The following LRPAP1 variants were observed in gnomAD, a reference collection of about 807,000 sequenced individuals.
LRPAP1 encodes the protein alpha-2-macroglobulin receptor-associated protein.
Under a neutral mutation model 39.9 loss-of-function variants are expected in LRPAP1, and 41 were observed. The ratio of observed to expected loss-of-function variants is 1.03; its 90% CI spans 0.80 to 1.33. The LOEUF is 1.33. LRPAP1 is among the 40% of genes most tolerant of loss of function. LRPAP1 has a pLI of 0.00. For synonymous variants in LRPAP1, 263 were observed against 212.7 expected (o/e 1.24, Z -2.06); for missense variants, 565 against 482.3 (o/e 1.17, Z -1.61).
chr4:3,514,464 AGGTCACGCCCCATCCT>A (rs1413047894), intron 7 of LRPAP1, among the ~76,000 whole-genome samples: 1 of 152,166 alleles, frequency 6.6e-6, no homozygotes, highest in Non-Finnish European at 1.5e-5. Context: ...GTGGGTATCC[AGGTCACGCCCCATCCT>A]GGTCACAGGA....
At chr4:3,528,764 A>T (rs952839417) in intron 1 of LRPAP1, among the ~76,000 whole-genome samples, 18 of 152,030 alleles carry the variant, frequency 1.2e-4, no homozygotes, top group Non-Finnish European at 2.1e-4. Flanking sequence ...AGCTCCTTCC[A>T]CCTGAGCTCC....
chr4:3,528,173 T>A (rs957160984), intron 1 of LRPAP1, among the ~76,000 whole-genome samples: 4 of 152,136 alleles, frequency 2.6e-5, no homozygotes, highest in African/African-American at 7.2e-5. Context: ...TGTTAACGCA[T>A]CAAGTTAGAA....
At chr4:3,525,899 A>C (rs1264918760) in intron 1 of LRPAP1, among the ~76,000 whole-genome samples, 1 of 152,276 alleles carries the variant, frequency 6.6e-6, no homozygotes, top group Non-Finnish European at 1.5e-5. Flanking sequence ...AAGCAGCAGA[A>C]TGAAACCCAC....
rs751949678 is a variant in LRPAP1 at position 3,532,372 on chromosome 4, G to A, written c.41C>T (p.Pro14Leu). 28 of 1,592,098 alleles carry A rather than the reference G, an allele frequency of 1.8e-5. No individual in the cohort carries two copies. The highest frequency in any genetic ancestry group is 2.3e-5 in the East Asian group (1 of 43,900). ...GAAGAGCAGCAGCAGTAGCAGCGCC[G>A]GGAGCCCGCGCAGAAACGACCTGAC... ...RRVRSFLRGL[P>L]ALLLLLLFLG... The change falls in exon 1 of 8, where the codon CCG (proline) becomes CTG (leucine). Residue 14 changes from proline (P) to leucine (L), a missense_variant. By Grantham distance (98) the Pro-to-Leu change is moderately conservative. Coordinates refer to ENST00000650182, the MANE Select transcript of LRPAP1 (RefSeq NM_002337.4).
intron 2 of LRPAP1, among the ~76,000 whole-genome samples, chr4:3,524,315 C>T (rs1730011460): frequency 6.6e-6 from 1 of 152,252 alleles, no homozygotes; most frequent in Non-Finnish European, 1.5e-5. Flanking sequence ...CTTGAATACC[C>T]ACAGGGACGA....
intron 1 of LRPAP1, among the ~76,000 whole-genome samples, chr4:3,531,776 T>A (rs1369008056): frequency 1.3e-5 from 2 of 152,276 alleles, no homozygotes; most frequent in Non-Finnish European, 2.9e-5. Context: ...GGCTTGCTAC[T>A]GGGATTCCTT....
At position 3,504,191 on chromosome 4, in the gene LRPAP1, G is replaced by C. The variant is rs1019500153; in HGVS notation, c.*8783C>G. 3 of 152,326 alleles carry C rather than the reference G, an allele frequency of 2.0e-5. No individual in the cohort carries two copies. Among genetic ancestry groups the C allele is most frequent in the African/African-American group, 7.2e-5 (3 of 41,474 alleles). 9.4% of individuals were successfully genotyped at this position (152,326 alleles called of 1,614,324 possible). Reference sequence around the variant, plus strand: ...AGATCTGGCCTGCGGCCCTTCAGGGGTCAGCATGACTTGTGTGGGTCAGAA... The same window carrying C: ...AGATCTGGCCTGCGGCCCTTCAGGGCTCAGCATGACTTGTGTGGGTCAGAA... On this transcript the variant is annotated 3_prime_UTR_variant, in exon 8 of 8. Transcript: ENST00000650182.
intron 2 of LRPAP1, 144 bp downstream of exon 2, chr4:3,524,763 G>A (rs1430617307): frequency 1.0e-6 from 1 of 970,988 alleles, no homozygotes; most frequent in African/African-American, 1.6e-5. Context: ...GATGCTCGGG[G>A]AAAGGCTCAT....
intron 7 of LRPAP1, among the ~76,000 whole-genome samples, chr4:3,513,716 C>A (rs972301217): frequency 1.2e-4 from 18 of 152,214 alleles, no homozygotes; most frequent in African/African-American, 4.3e-4. Flanking sequence ...CCTCCAGCTC[C>A]TCACATCACA....
intron 1 of LRPAP1, among the ~76,000 whole-genome samples, chr4:3,530,390 G>C (rs1326391461): frequency 5.9e-5 from 9 of 152,218 alleles, no homozygotes; most frequent in Non-Finnish European, 1.0e-4. Flanking sequence ...ATAGTACCAG[G>C]CTCTCTGGAA....
chr4:3,531,929 C>T, intron 1 of LRPAP1: 1 of 528,368 alleles, frequency 1.9e-6, no homozygotes. Context: ...CTCGGGTCAG[C>T]AGGCCGCCCA....
chr4:3,524,317 C>A (rs969898060), intron 2 of LRPAP1, among the ~76,000 whole-genome samples: 1 of 152,250 alleles, frequency 6.6e-6, no homozygotes, highest in South Asian at 2.1e-4. Context: ...TGAATACCCA[C>A]AGGGACGAGG....
rs1199167263 is a variant in LRPAP1, at chr4:3,524,942, C to A, written c.314G>T (p.Gly105Val). The A allele has an allele frequency of 2.5e-6, 4 of 1,614,104 alleles. No homozygotes were observed. The highest frequency in any genetic ancestry group is 1.3e-5 in the African/African-American group (1 of 74,946). ...GCGTATGAGTCTCGCTTCCTTCTCC[C>A]CATCTTCGTCCAAGCCGTCAAGCTT... ...KLKLDGLDED[G>V]EKEARLIRNL... Residue 105 changes from glycine (G) to valine (V), a missense_variant, in exon 2 of 8, where the codon GGG (glycine) becomes GTG (valine). Transcript: ENST00000650182.
rs1006240031 is a variant in LRPAP1, at chr4:3,519,123, C to T, written c.472-132G>A. 7.8e-4 allele frequency: 1,119 copies of T among 1,435,854 alleles called. 13 individuals are homozygous for T. The highest frequency in any genetic ancestry group is 1.8e-4 in the Admixed American group (7 of 39,090). 88.9% of individuals were successfully genotyped at this position (1,435,854 alleles called of 1,614,324 possible). ...GTGCCAGGCCAGGTTCTTGGCCTCA[C>T]GAAGGGCAGGAAAACAAAAAACAAA... is the stretch of plus-strand genomic sequence containing the variant. On this transcript the variant is annotated intron_variant, in intron 3 of 7. Coordinates refer to ENST00000650182, the MANE Select transcript of LRPAP1 (RefSeq NM_002337.4).
chr4:3,527,446 C>T (rs1165298684), intron 1 of LRPAP1, among the ~76,000 whole-genome samples: 9 of 144,730 alleles, frequency 6.2e-5, no homozygotes, highest in Admixed American at 2.0e-4. Flanking sequence ...GGAGCCCACA[C>T]CTGCCTATCT....
At chr4:3,525,412 T>C (rs7653999) in intron 1 of LRPAP1, among the ~76,000 whole-genome samples, 1,545 of 152,198 alleles carry the variant, frequency 0.01, 26 homozygotes, top group African/African-American at 0.035. Flanking sequence ...TGCATTACCA[T>C]TGCAGATACA....
chr4:3,506,640 G>C lies in LRPAP1; in HGVS notation c.*6334C>G, dbSNP rs1577198424. ...GCCCACCTCCACCTCCCAAAGTGCT[G>C]GGATTCCAGGCATGAGCCACCGCAC... On this transcript the variant is annotated 3_prime_UTR_variant, in exon 8 of 8. Transcript: ENST00000650182. 6.6e-6 allele frequency: 1 copy of C among 152,200 alleles called. No homozygotes were observed. The highest frequency in any genetic ancestry group is 6.5e-5 in the Admixed American group (1 of 15,278). 9.4% of individuals were successfully genotyped at this position (152,200 alleles called of 1,614,324 possible). A position where few individuals can be genotyped will look rare whatever the true frequency, so the allele number is the denominator to read the frequency against.
At position 3,525,037 on chromosome 4, in the gene LRPAP1, G is replaced by T. The variant is rs148553602; in HGVS notation, c.219C>A (p.Pro73=). The change falls in exon 2 of 8, where the codon CCC becomes CCA. Residue 73 remains proline, a synonymous_variant. Transcript: ENST00000650182. The part of the protein sequence containing the change: ...WEKAQRLHLP[P]VRLAELHADL... ...CAGCGTGGAGCTCGGCCAGCCTCAC[G>T]GGAGGAAGATGCAGCTGCGAACGAA... 9 of 1,614,018 alleles carry T rather than the reference G, an allele frequency of 5.6e-6. No homozygotes were observed. In the South Asian group the frequency reaches 8.8e-5, roughly 16 times the overall value.
intron 2 of LRPAP1, among the ~76,000 whole-genome samples, chr4:3,523,710 C>T (rs1475473117): frequency 6.6e-6 from 1 of 152,168 alleles, no homozygotes; most frequent in Non-Finnish European, 1.5e-5. Context: ...CACCTCCTCT[C>T]TTTACCAGAG....
Sources: gnomAD v4.1 joint callset for allele counts (sites outside exome capture counted in the v4.1 genomes callset) on GRCh38, gnomAD v4.1.1 for gene constraint, MANE v1.5 for transcripts, NCBI Gene and HGNC (gene_info 2026-07-23, HGNC 2026-07-21) for gene names.